Variants in NPHS1 observed in about 807,000 individuals in gnomAD.
The protein encoded by NPHS1 is NPHS1 adhesion molecule, nephrin, also known as nephrin.
Under a neutral mutation model 139.7 loss-of-function variants are expected in NPHS1, and 107 were observed. The ratio of observed to expected loss-of-function variants is 0.77; its 90% confidence interval spans 0.66 to 0.90. The LOEUF is 0.90. NPHS1 is among the 40% of genes least tolerant of loss of function. The pLI is 0.00. For missense variants in NPHS1, 1,580 were observed against 1,654.2 expected, an observed-to-expected ratio of 0.96 and a Z score of 0.78; for synonymous variants, 707 against 706.6, an observed-to-expected ratio of 1.00 and a Z score of -0.01.
chr19:35,849,935 A>G (rs1176769296), intron 5 of NPHS1, among the ~76,000 whole-genome samples: 1 of 152,128 alleles, frequency 6.6e-6, no homozygotes, highest in African/African-American at 2.4e-5. Context: ...TTGTCTTTTG[A>G]GACAGAATCT....
rs1972877803 is a variant in NPHS1 at position 35,831,289 on chromosome 19, C to A, written c.3387+7G>T. 1 of 1,614,024 alleles carries A rather than the reference C, an allele frequency of 6.2e-7. No individual in the cohort carries two copies. Among genetic ancestry groups the A allele is most frequent in the Non-Finnish European group, 8.5e-7 (1 of 1,179,938 alleles). On this transcript the variant is annotated splice_region_variant and intron_variant, in intron 26 of 28. Coordinates refer to ENST00000378910, the MANE Select transcript of NPHS1 (RefSeq NM_004646.4). ...ATTGTGGGGTCACCAGGGCCACCCC[C>A]ACTTACCGTGGAGCTCTGAGTGTCC...
At chr19:35,843,748 C>G in intron 16 of NPHS1, 155 bp from the exon 17 acceptor site, 1 of 960,890 alleles carries the variant, frequency 1.0e-6, no homozygotes, top group East Asian at 2.6e-5. Flanking sequence ...GGAGAGTTCT[C>G]AAGGTTGGTG....
chr19:35,842,939 A>T (rs1252859418), intron 17 of NPHS1, among the ~76,000 whole-genome samples: 1 of 151,556 alleles, frequency 6.6e-6, no homozygotes. Context: ...CCACCCATTC[A>T]CTCAACTATT....
chr19:35,839,671 G>C, intron 20 of NPHS1, 64 bp from the exon 21 acceptor site: 1 of 1,312,714 alleles, frequency 7.6e-7, no homozygotes, highest in East Asian at 2.3e-5. Context: ...ATTCTGTCCA[G>C]GTTTTCCCTA....
At position 35,839,578 on chromosome 19, in the gene NPHS1, C is replaced by A; in HGVS notation, c.2845G>T (p.Val949Phe). 3.1e-6 allele frequency: 5 copies of A among 1,614,122 alleles called. No individual in the cohort carries two copies. The highest frequency in any genetic ancestry group is 2.2e-5 in the South Asian group (2 of 91,074). ...ACGGAGTGTGGGGTCAGACTCACAA[C>A]CTTTAATCCTGATGGAGGGTCAGGG... ...SRPDPPSGLK[V>F]VSLTPHSVGL... is the part of the protein sequence containing the mutation. Residue 949 changes from valine to phenylalanine, a missense_variant, in exon 21 of 29, where the codon GTT (valine) becomes TTT (phenylalanine). Physicochemically the swap from Val to Phe is conservative, Grantham distance 50. Coordinates refer to ENST00000378910, the MANE Select transcript of NPHS1 (RefSeq NM_004646.4).
intron 11 of NPHS1, among the ~76,000 whole-genome samples, chr19:35,847,671 G>GTTTT (rs553348469): frequency 2.0e-4 from 27 of 136,222 alleles, no homozygotes; most frequent in African/African-American, 6.9e-4. Flanking sequence ...TTACAGCATT[G>GTTTT]TTTTTTTTTT....
chr19:35,825,508 T>G lies in NPHS1; in HGVS notation c.*1006A>C, dbSNP rs916331022. Among the ~76,000 whole-genome samples, 3 of 152,156 alleles carry G rather than the reference T, an allele frequency of 2.0e-5. No homozygotes were observed. The highest frequency in any genetic ancestry group is 2.9e-5 in the Non-Finnish European group (2 of 68,022). On this transcript the variant is annotated 3_prime_UTR_variant, in exon 29 of 29. Transcript: ENST00000378910. The stretch of plus-strand genomic sequence containing the variant: ...CCACCACAATCGTTATATAGAATAT[T>G]TCCAACACCTCAGAAAGTTCTCCCA...
At chr19:35,847,275 C>G (rs807656) in intron 11 of NPHS1, among the ~76,000 whole-genome samples, 121,057 of 150,148 alleles carry the variant, frequency 0.81, 49,547 homozygotes, top group East Asian at 0.97. Flanking sequence ...TCGATCTCCT[C>G]ACCTCGTGAT....
Position 35,831,127 on chromosome 19 carries a change from T to C in NPHS1, c.3407A>G (p.Glu1136Gly). The change falls in exon 27 of 29, where the codon GAG becomes GGG. Residue 1136 changes from glutamate to glycine, a missense_variant. Glu to Gly is a moderately conservative substitution (Grantham distance 98, BLOSUM62 -2). Coordinates refer to ENST00000378910, the MANE Select transcript of NPHS1 (RefSeq NM_004646.4). Reference sequence around the variant, plus strand: ...GTCCCTCAGGGAGCGGTAATACGGCTCTGCCTCTGTTGTGCTGACCTGTTC... The same window carrying C: ...GTCCCTCAGGGAGCGGTAATACGGCCCTGCCTCTGTTGTGCTGACCTGTTC... ...QSSTVSTTEA[E>G]PYYRSLRDFS... 1 of 1,613,974 alleles carries C rather than the reference T, an allele frequency of 6.2e-7. No individual in the cohort carries two copies. The highest frequency in any genetic ancestry group is 8.5e-7 in the Non-Finnish European group (1 of 1,180,024).
chr19:35,838,884 A>G (rs1227321816), intron 22 of NPHS1, among the ~76,000 whole-genome samples: 1 of 152,154 alleles, frequency 6.6e-6, no homozygotes, highest in Non-Finnish European at 1.5e-5. Context: ...TAAATAAAAT[A>G]AAAAACTAAA....
In NPHS1 at chr19:35,843,530, A is replaced by G. The variant is rs775313529; in HGVS notation, c.2276T>C (p.Ile759Thr). Residue 759 changes from isoleucine (I) to threonine (T), a missense_variant, in exon 17 of 29, where the codon ATA (isoleucine) becomes ACA (threonine). By Grantham distance (89) the Ile-to-Thr change is moderately conservative. Coordinates refer to ENST00000378910, the MANE Select transcript of NPHS1 (RefSeq NM_004646.4). ...TEVNVGGSVD[I>T]VCTVDANPIL... ...GGGATTGGCATCGACAGTGCAGACT[A>G]TGTCCACAGAACCCCCGACGTTCAC... 5.0e-6 allele frequency: 8 copies of G among 1,613,974 alleles called. No individual in the cohort carries two copies. In the South Asian group the frequency reaches 8.8e-5, roughly 18 times the overall value.
At chr19:35,842,663 G>A (rs755016076) in intron 17 of NPHS1, 113 bp from the exon 18 acceptor site, 2 of 1,091,682 alleles carry the variant, frequency 1.8e-6, no homozygotes, top group African/African-American at 1.6e-5. Flanking sequence ...CTCCACAGAG[G>A]TATTGAAGAA....
In NPHS1 at chr19:35,848,111, G is replaced by A. The variant is rs941495784; in HGVS notation, c.1370C>T (p.Ala457Val). 1.7e-5 allele frequency: 27 copies of A among 1,613,880 alleles called. No individual in the cohort carries two copies. In the Admixed American group the frequency reaches 4.3e-4, roughly 26 times the overall value. Residue 457 changes from alanine (A) to valine (V), a missense_variant, in exon 11 of 29, where the codon GCT (alanine) becomes GTT (valine). Coordinates refer to ENST00000378910, the MANE Select transcript of NPHS1 (RefSeq NM_004646.4). ...ACACACCAGCCTCACCCGGGTCCCA[G>A]CCCGGAGCTTCTGGCCCTCTGGGGG... The part of the protein sequence containing the change: ...EGPPEGQKLR[A>V]GTRVRLVCLA...
intron 23 of NPHS1, among the ~76,000 whole-genome samples, chr19:35,833,330 G>T (rs887324122): frequency 2.0e-5 from 3 of 152,134 alleles, no homozygotes; most frequent in African/African-American, 7.2e-5. Flanking sequence ...TCTACTAATA[G>T]CACTTTTTTC....
chr19:35,849,687 T>C (rs1256592301), intron 5 of NPHS1, 34 bp from the exon 6 acceptor site: 1 of 1,527,900 alleles, frequency 6.5e-7, no homozygotes, highest in East Asian at 2.3e-5. Context: ...AGAGTCAGAG[T>C]CATCATCTGA....
chr19:35,830,806 T>A, intron 28 of NPHS1, 38 bp downstream of exon 28: 1 of 1,288,464 alleles, frequency 7.8e-7, no homozygotes, highest in South Asian at 1.2e-5. Flanking sequence ...CTCCCAGCAC[T>A]AGCCAGGAAG....
rs1378628631 is a variant in NPHS1 at position 35,851,470 on chromosome 19, C to A, written c.261G>T (p.Gly87=). The part of the protein sequence containing the change: ...IPGFPRYRLE[G]DPARGEFHLH... ...CTGATCCCTTACCTCTAGCAGGGTC[C>A]CCTTCCAGGCGGTACCTCGGGAAGC... The change falls in exon 2 of 29, where the codon GGG becomes GGT. Residue 87 remains glycine (G), a synonymous_variant. Coordinates refer to ENST00000378910, the MANE Select transcript of NPHS1 (RefSeq NM_004646.4). 2 of 1,613,378 alleles carry A rather than the reference C, an allele frequency of 1.2e-6. No homozygotes were observed. Among genetic ancestry groups the A allele is most frequent in the East Asian group, 4.5e-5 (2 of 44,886 alleles).
At chr19:35,837,629 T>G (rs1321813330) in intron 22 of NPHS1, among the ~76,000 whole-genome samples, 2 of 151,752 alleles carry the variant, frequency 1.3e-5, no homozygotes, top group African/African-American at 4.8e-5. Flanking sequence ...TTAGATGGAG[T>G]TTTGCTCTTG....
chr19:35,850,522 T>G, intron 4 of NPHS1, 77 bp from the exon 5 acceptor site: 1 of 1,274,446 alleles, frequency 7.8e-7, no homozygotes, highest in Non-Finnish European at 1.1e-6. Flanking sequence ...CTGGAAGTCC[T>G]CAGGGTGGGT....
Sources: allele counts gnomAD v4.1 joint callset (sites outside exome capture counted in the v4.1 genomes callset), GRCh38; gene constraint gnomAD v4.1.1; transcripts MANE v1.5; gene names NCBI Gene and HGNC (gene_info 2026-07-23, HGNC 2026-07-21).